Variants in SRSF11 observed in about 807,000 individuals in gnomAD.
SRSF11 encodes the protein serine/arginine-rich splicing factor 11.
SRSF11 carries 9 observed loss-of-function variants against 56.0 expected under a neutral mutation model. That is an observed-to-expected ratio of 0.16 (90% CI 0.10 to 0.28). The LOEUF (loss-of-function observed/expected upper bound fraction) is 0.28, where lower values mean the gene tolerates loss of function less well. Among genes scored for constraint, SRSF11 ranks in the 10% least tolerant of loss-of-function variants. SRSF11 has a pLI of 1.00. For missense variants in SRSF11, 421 were observed against 600.7 expected (o/e 0.70, Z 3.13); for synonymous variants, 222 against 215.3 (o/e 1.03, Z -0.27).
chr1:70,240,266 T>C (rs1675045526), intron 7 of SRSF11, among the ~76,000 whole-genome samples: 1 of 152,252 alleles, frequency 6.6e-6, no homozygotes, highest in Non-Finnish European at 1.5e-5. Context: ...AAATTAACTT[T>C]ACTGCTTCAT....
In SRSF11 at chr1:70,244,828, G is replaced by A; in HGVS notation, c.932+13G>A. On this transcript the variant is annotated intron_variant, in intron 8 of 11. Coordinates refer to ENST00000370949, the MANE Select transcript of SRSF11 (RefSeq NM_001350605.2). Reference sequence around the variant, plus strand: ...CATCAAAAACAAGGTATAGCATTGGGTGAGAAAGCAAATTTTAGGGTTCCC... The same window carrying A: ...CATCAAAAACAAGGTATAGCATTGGATGAGAAAGCAAATTTTAGGGTTCCC... 1 of 1,613,394 alleles carries A rather than the reference G, an allele frequency of 6.2e-7. No homozygotes were observed. The highest frequency in any genetic ancestry group is 8.5e-7 in the Non-Finnish European group (1 of 1,179,564).
intron 1 of SRSF11, among the ~76,000 whole-genome samples, chr1:70,210,615 T>A (rs143518448): frequency 1.2e-3 from 183 of 152,296 alleles, no homozygotes; most frequent in African/African-American, 4.1e-3. Flanking sequence ...CTCAGGAGAC[T>A]GAGGTAGGAG....
Position 70,228,449 on chromosome 1 carries a change from T to C in SRSF11, c.231T>C (p.Arg77=), listed in dbSNP as rs1416929870. 1 of 1,612,816 alleles carries C rather than the reference T, an allele frequency of 6.2e-7. No individual in the cohort carries two copies. The highest frequency in any genetic ancestry group is 2.2e-5 in the East Asian group (1 of 44,826). Residue 77 remains arginine, a synonymous_variant, in exon 2 of 12, where the codon CGT becomes CGC. Coordinates refer to ENST00000370949, the MANE Select transcript of SRSF11 (RefSeq NM_001350605.2). ...ATTCGCCTTTGCCAGTCTCATCTCGTGTCTGCTTTGTTAAGTTCCATGATC... is the reference window on the plus strand; with the variant it reads ...ATTCGCCTTTGCCAGTCTCATCTCGCGTCTGCTTTGTTAAGTTCCATGATC... ...PDDSPLPVSS[R]VCFVKFHDPD...
At position 70,239,358 on chromosome 1, in the gene SRSF11, C is replaced by A. The variant is rs1225382296; in HGVS notation, c.719-81C>A. ...GCTCCCACTTCAGCCTCTCATAGTG[C>A]TGTGATTACAGGCATGAGCCACTGC... On this transcript the variant is annotated intron_variant, in intron 6 of 11. Coordinates refer to ENST00000370949, the MANE Select transcript of SRSF11 (RefSeq NM_001350605.2). The A allele has an allele frequency of 6.4e-6, 6 of 932,986 alleles. No homozygotes were observed. The African/African-American group carries it at 1.0e-4, about 16-fold the overall frequency. 57.8% of individuals were successfully genotyped at this position (932,986 alleles called of 1,614,324 possible).
intron 2 of SRSF11, chr1:70,230,366 A>C (rs1672611742): frequency 4.7e-6 from 5 of 1,073,444 alleles, no homozygotes; most frequent in Middle Eastern, 4.5e-4. Context: ...CTTCGGTGTT[A>C]GCTCTTGGTC....
At chr1:70,238,596 G>A (rs1389396193) in intron 6 of SRSF11, among the ~76,000 whole-genome samples, 2 of 152,180 alleles carry the variant, frequency 1.3e-5, no homozygotes, top group South Asian at 2.1e-4. Context: ...AAAATTGGTA[G>A]GGAAGAGGAG....
chr1:70,220,059 G>A (rs1164661520), upstream of SRSF11, among the ~76,000 whole-genome samples: 4 of 152,214 alleles, frequency 2.6e-5, no homozygotes, highest in Non-Finnish European at 5.9e-5. Context: ...ATATTTGTGC[G>A]TGTGTCCAGC....
chr1:70,247,065 G>A, intron 9 of SRSF11, 158 bp downstream of exon 9: 1 of 1,117,810 alleles, frequency 8.9e-7, no homozygotes, highest in Non-Finnish European at 1.2e-6. Context: ...AAGGCAATTT[G>A]TGAAGAATAA....
chr1:70,230,743 C>T (rs1672699431), intron 2 of SRSF11: 1 of 1,166,142 alleles, frequency 8.6e-7, no homozygotes, highest in Non-Finnish European at 1.1e-6. Flanking sequence ...AGGTGTCTCA[C>T]AATAAATTCA....
Position 70,228,569 on chromosome 1 carries a change from TTAAC to T in SRSF11, c.337+17_337+20del. Reference sequence around the variant, plus strand: ...CATATGCAGAAGGTTTGTGCTTTGTTTAACTACCTATGTGGGCATCCTAAGATGA... The same window carrying T: ...CATATGCAGAAGGTTTGTGCTTTGTTTACCTATGTGGGCATCCTAAGATGA... On this transcript the variant is annotated intron_variant, in intron 2 of 11. Transcript: ENST00000370949. 1 of 1,610,508 alleles carries T rather than the reference TTAAC, an allele frequency of 6.2e-7. No homozygotes were observed. The highest frequency in any genetic ancestry group is 8.5e-7 in the Non-Finnish European group (1 of 1,178,202).
intron 6 of SRSF11, among the ~76,000 whole-genome samples, chr1:70,238,250 G>A (rs1172739527): frequency 1.3e-5 from 2 of 152,156 alleles, no homozygotes; most frequent in African/African-American, 4.8e-5. Context: ...ATGGCAAGCA[G>A]TAGGAACTTT....
chr1:70,205,896 C>G (rs2100382215), intron 1 of SRSF11: 1 of 176,070 alleles, frequency 5.7e-6, no homozygotes, highest in African/African-American at 2.3e-5. Context: ...GGAAAGAGAA[C>G]CCTCTCTTCT....
chr1:70,208,522 G>C (rs1669261979), intron 1 of SRSF11, among the ~76,000 whole-genome samples: 1 of 152,112 alleles, frequency 6.6e-6, no homozygotes. Context: ...TTTTTTAGCA[G>C]AGGCAGGGTT....
At chr1:70,229,816 T>G in intron 2 of SRSF11, 2 of 983,788 alleles carry the variant, frequency 2.0e-6, no homozygotes, top group Non-Finnish European at 1.2e-6. Flanking sequence ...ATAAATGGGT[T>G]AAGACATGTT....
intron 7 of SRSF11, among the ~76,000 whole-genome samples, chr1:70,240,318 C>T (rs897667651): frequency 3.3e-5 from 5 of 152,066 alleles, no homozygotes; most frequent in African/African-American, 7.2e-5. Flanking sequence ...TTTTCTTTTA[C>T]TGCAAGTGCA....
upstream of SRSF11, among the ~76,000 whole-genome samples, chr1:70,218,321 G>T (rs576080785): frequency 5.9e-5 from 9 of 152,114 alleles, no homozygotes; most frequent in South Asian, 6.2e-4. Context: ...GTAATTTTTT[G>T]TTGTTGTTGT....
intron 5 of SRSF11, among the ~76,000 whole-genome samples, chr1:70,236,725 G>T (rs796203623): frequency 6.7e-6 from 1 of 148,674 alleles, no homozygotes; most frequent in African/African-American, 2.5e-5. Context: ...TTTGGCCTCT[G>T]CCTCAGTTCC....
intron 3 of SRSF11, among the ~76,000 whole-genome samples, chr1:70,232,806 CAA>C (rs1673103210): frequency 6.6e-6 from 1 of 151,942 alleles, no homozygotes; most frequent in South Asian, 2.1e-4. Context: ...GGCTTGAAAA[CAA>C]AGGCAATTCT....
chr1:70,229,441 CAAG>C (rs1452770539), intron 2 of SRSF11: 8 of 985,216 alleles, frequency 8.1e-6, no homozygotes, highest in African/African-American at 7.0e-5. Context: ...GCCACTGTGA[CAAG>C]AAATTTTAAT....
Sources: gnomAD v4.1 joint callset for allele counts (sites outside exome capture counted in the v4.1 genomes callset) on GRCh38, gnomAD v4.1.1 for gene constraint, MANE v1.5 for transcripts, NCBI Gene and HGNC (gene_info 2026-07-23, HGNC 2026-07-21) for gene names.